Variants in GAS2 observed in about 807,000 individuals in gnomAD.
The protein encoded by GAS2 is growth arrest-specific protein 2.
GAS2 carries 20 observed loss-of-function variants against 37.5 expected under a neutral mutation model. The observed-to-expected ratio is 0.53, with a 90% CI of 0.37 to 0.77. The LOEUF (loss-of-function observed/expected upper bound fraction) is 0.77, where lower values mean the gene tolerates loss of function less well. Ranked by LOEUF, GAS2 falls within the 30% of genes least tolerant of loss-of-function variation. The pLI is 0.00. For synonymous variants in GAS2, 144 were observed against 132.2 expected (o/e 1.09, Z -0.61); for missense variants, 336 against 373.4 (o/e 0.90, Z 0.82).
At chr11:22,652,243 G>T (rs886347575) in intron 1 of GAS2, among the ~76,000 whole-genome samples, 1 of 152,172 alleles carries the variant, frequency 6.6e-6, no homozygotes, top group East Asian at 1.9e-4. Flanking sequence ...GGGGTCAGGG[G>T]GTCAGGGACC....
At chr11:22,694,061 G>T (rs550226913) in intron 3 of GAS2, among the ~76,000 whole-genome samples, 31 of 152,110 alleles carry the variant, frequency 2.0e-4, no homozygotes, top group African/African-American at 7.0e-4. Flanking sequence ...TAACTAATGG[G>T]TACTAGGCTT....
chr11:22,690,703 A>G (rs1850201538), intron 3 of GAS2, among the ~76,000 whole-genome samples: 1 of 152,192 alleles, frequency 6.6e-6, no homozygotes, highest in African/African-American at 2.4e-5. Flanking sequence ...ACCAAACCAA[A>G]TGACAGGTTT....
chr11:22,695,743 G>C (rs1359640305), intron 3 of GAS2, among the ~76,000 whole-genome samples: 1 of 151,964 alleles, frequency 6.6e-6, no homozygotes, highest in Non-Finnish European at 1.5e-5. Context: ...CTCTAAATTT[G>C]ACAACAGAAT....
intron 1 of GAS2, among the ~76,000 whole-genome samples, chr11:22,652,327 T>C (rs1848787877): frequency 6.6e-6 from 1 of 152,212 alleles, no homozygotes; most frequent in Non-Finnish European, 1.5e-5. Flanking sequence ...TCTTCAAAGC[T>C]GTCAGACAGG....
chr11:22,697,049 T>A (rs1850562392), intron 3 of GAS2, among the ~76,000 whole-genome samples: 1 of 151,896 alleles, frequency 6.6e-6, no homozygotes, highest in African/African-American at 2.4e-5. Context: ...AATGCCTAGG[T>A]TTTCTTCTAG....
In GAS2 at chr11:22,723,844, T is replaced by G. The variant is rs573451906; in HGVS notation, c.268-2448T>G. 3.9e-5 allele frequency among the ~76,000 whole-genome samples: 6 copies of G among 152,046 alleles called. No individual in the cohort carries two copies. The East Asian group carries it at 1.2e-3, about 29-fold the overall frequency. ...TCTCTTGGAGATTTTATTCAGCATA[T>G]TATTTTTATAATATGTTTTGGCTGA... On this transcript the variant is annotated intron_variant, in intron 3 of 7. Transcript: ENST00000454584.
At chr11:22,811,696 T>G in intron 7 of GAS2, 102 bp from the exon 8 acceptor site, 7 of 1,129,540 alleles carry the variant, frequency 6.2e-6, no homozygotes, top group East Asian at 2.4e-5. Context: ...CAATGGGTCA[T>G]GAAATACAAA....
intron 3 of GAS2, among the ~76,000 whole-genome samples, chr11:22,712,135 C>T (rs183537408): frequency 3.3e-5 from 5 of 152,130 alleles, no homozygotes; most frequent in East Asian, 1.9e-4. Context: ...AACCCTGCTT[C>T]GAAGAAGGAA....
At chr11:22,776,456 T>C (rs1203541742) in intron 7 of GAS2, among the ~76,000 whole-genome samples, 3 of 152,036 alleles carry the variant, frequency 2.0e-5, no homozygotes, top group African/African-American at 2.4e-5. Context: ...AGAAAGAAAA[T>C]AGAACAGGAT....
At chr11:22,806,872 GCCAA>G (rs1298298511) in intron 7 of GAS2, among the ~76,000 whole-genome samples, 1 of 152,110 alleles carries the variant, frequency 6.6e-6, no homozygotes, top group East Asian at 1.9e-4. Flanking sequence ...CCCAAGAGTA[GCCAA>G]AATGAGGCAT....
At position 22,648,265 on chromosome 11, in the gene GAS2, T is replaced by C. The variant is rs562563872; in HGVS notation, c.-21+22452T>C. On this transcript the variant is annotated intron_variant, in intron 1 of 5. Coordinates refer to the GAS2 transcript ENST00000528582. The stretch of plus-strand genomic sequence containing the variant: ...GCGGCGTTATTTCTGAGGGCTCTGT[T>C]CTGTTCCATTGATCTATATCTCTGT... Among the ~76,000 whole-genome samples, 61 of 152,248 alleles carry C rather than the reference T, an allele frequency of 4.0e-4. No homozygotes were observed. The South Asian group carries it at 0.012, about 31-fold the overall frequency.
In GAS2 at chr11:22,685,573, T is replaced by C. The variant is rs1043494655; in HGVS notation, c.146-95T>C. 12 of 1,336,142 alleles carry C rather than the reference T, an allele frequency of 9.0e-6. No homozygotes were observed. In the South Asian group the frequency reaches 1.7e-4, roughly 19 times the overall value. 82.8% of individuals were successfully genotyped at this position (1,336,142 alleles called of 1,614,324 possible). A position where few individuals can be genotyped will look rare whatever the true frequency, so the allele number is the denominator to read the frequency against. ...TCCCAGTTATGTAACTCAGCTAGAA[T>C]AGCAATTTTAGTGATAAAACTGTGT... On this transcript the variant is annotated intron_variant, in intron 2 of 7. Coordinates refer to ENST00000454584, the MANE Select transcript of GAS2 (RefSeq NM_001143830.3).
At chr11:22,703,466 G>A (rs757075372) in intron 3 of GAS2, among the ~76,000 whole-genome samples, 1 of 152,092 alleles carries the variant, frequency 6.6e-6, no homozygotes, top group African/African-American at 2.4e-5. Context: ...AACTCAAGTC[G>A]TTGGAACAAA....
In GAS2 at chr11:22,753,085, A is replaced by T. The variant is rs1218077829; in HGVS notation, c.616-2761A>T. On this transcript the variant is annotated intron_variant, in intron 6 of 7. Transcript: ENST00000454584. ...CTTACTTTCTTCCTCTTCTCCATCA[A>T]CTTCCTCAGTCTGGGGATGAGAGAT... Among the ~76,000 whole-genome samples the T allele has an allele frequency of 2.0e-5, 3 of 152,144 alleles. No individual in the cohort carries two copies. In the East Asian group the frequency reaches 5.8e-4, roughly 29 times the overall value.
At chr11:22,649,057 C>G (rs1381211655) in intron 1 of GAS2, among the ~76,000 whole-genome samples, 2 of 152,172 alleles carry the variant, frequency 1.3e-5, no homozygotes, top group African/African-American at 4.8e-5. Flanking sequence ...GTGGGTTTGT[C>G]ACAGATAGCT....
chr11:22,679,886 T>G (rs1353235328), intron 2 of GAS2, among the ~76,000 whole-genome samples: 1 of 152,156 alleles, frequency 6.6e-6, no homozygotes, highest in Non-Finnish European at 1.5e-5. Flanking sequence ...ATTTAGAAAA[T>G]GCATTGACAG....
At chr11:22,805,618 A>G (rs1856848867) in intron 7 of GAS2, among the ~76,000 whole-genome samples, 2 of 152,114 alleles carry the variant, frequency 1.3e-5, no homozygotes, top group African/African-American at 4.8e-5. Flanking sequence ...CATATGAGTG[A>G]AATTGTTGCA....
chr11:22,809,081 T>C (rs1185698804), intron 7 of GAS2, among the ~76,000 whole-genome samples: 1 of 152,134 alleles, frequency 6.6e-6, no homozygotes, highest in Non-Finnish European at 1.5e-5. Context: ...GCTTGGGTCC[T>C]AAAATCTGGT....
rs1442297818 is a variant in GAS2, at chr11:22,682,838, G to T, written c.146-2830G>T. Among the ~76,000 whole-genome samples the T allele has an allele frequency of 1.3e-4, 16 of 122,682 alleles. No homozygotes were observed. In the Admixed American group the frequency reaches 1.7e-3, roughly 13 times the overall value. 80.5% of individuals were successfully genotyped at this position (122,682 alleles called of 152,430 possible). ...TCCAGCCTGACGAGATCGCACCACT[G>T]CACTCCAGCCTGTGGTTAGTCACTT... On this transcript the variant is annotated intron_variant, in intron 2 of 7. Coordinates refer to ENST00000454584, the MANE Select transcript of GAS2 (RefSeq NM_001143830.3).
Sources: allele counts gnomAD v4.1 joint callset (sites outside exome capture counted in the v4.1 genomes callset), GRCh38; gene constraint gnomAD v4.1.1; transcripts MANE v1.5; gene names NCBI Gene and HGNC (gene_info 2026-07-23, HGNC 2026-07-21).